The following NWD1 variants were observed in gnomAD, a reference collection of about 807,000 sequenced individuals.
NWD1 encodes the protein NACHT domain- and WD repeat-containing protein 1.
NWD1 carries 129 observed loss-of-function variants against 135.1 expected under a neutral mutation model. The ratio of observed to expected loss-of-function variants is 0.96; its 90% CI spans 0.83 to 1.11. The LOEUF (loss-of-function observed/expected upper bound fraction) is 1.11, where lower values mean the gene tolerates loss of function less well. Ranked by LOEUF, NWD1 falls within the 50% of genes least tolerant of loss-of-function variation. NWD1 has a pLI of 0.00. For missense variants in NWD1, 1,740 were observed against 1,851.3 expected, an observed-to-expected ratio of 0.94 and a Z score of 1.10; for synonymous variants, 773 against 786.0, an observed-to-expected ratio of 0.98 and a Z score of 0.28.
At chr19:16,748,981 T>C (rs954842167) in intron 5 of NWD1, among the ~76,000 whole-genome samples, 158 bp from the exon 6 acceptor site, 1 of 152,138 alleles carries the variant, frequency 6.6e-6, no homozygotes, top group African/African-American at 2.4e-5. Context: ...GGTCCAGCCA[T>C]GTGGGTCTTT....
In NWD1 at chr19:16,736,798, GC is replaced by G. The variant is rs1568338393; in HGVS notation, c.198+53del. ...GTTAGCTCTTACTCCTCCAGGATAT[GC>G]CCCCTGCTTTCTAGACAAACTGATC... On this transcript the variant is annotated intron_variant, in intron 4 of 18. Coordinates refer to ENST00000524140, the MANE Select transcript of NWD1 (RefSeq NM_001007525.5). The G allele has an allele frequency of 3.6e-6, 4 of 1,100,140 alleles. No individual in the cohort carries two copies. In the East Asian group the frequency reaches 7.7e-5, roughly 21 times the overall value. 68.1% of individuals were successfully genotyped at this position (1,100,140 alleles called of 1,614,324 possible).
intron 5 of NWD1, among the ~76,000 whole-genome samples, chr19:16,745,788 A>G (rs1968288077): frequency 6.6e-6 from 1 of 152,002 alleles, no homozygotes; most frequent in Non-Finnish European, 1.5e-5. Context: ...ATAGTGGTGC[A>G]TGCCTGTAGC....
At chr19:16,725,436 C>T (rs2122667320) in intron 2 of NWD1, among the ~76,000 whole-genome samples, 1 of 151,950 alleles carries the variant, frequency 6.6e-6, no homozygotes, top group East Asian at 1.9e-4. Context: ...TATGATCACA[C>T]CACTGCACTC....
chr19:16,769,306 G>A (rs1969333313), intron 10 of NWD1, among the ~76,000 whole-genome samples: 1 of 151,806 alleles, frequency 6.6e-6, no homozygotes, highest in Non-Finnish European at 1.5e-5. Flanking sequence ...TACTAAAAAT[G>A]CAAAAATTAG....
At chr19:16,731,375 C>T (rs985438637) in intron 3 of NWD1, 97 bp downstream of exon 3, 12 of 685,582 alleles carry the variant, frequency 1.8e-5, no homozygotes, top group Middle Eastern at 7.0e-4. Context: ...GGTGCGATCT[C>T]GGCTCACTGC....
intron 9 of NWD1, among the ~76,000 whole-genome samples, chr19:16,764,324 C>T (rs73521262): frequency 0.046 from 6,997 of 152,046 alleles, 528 homozygotes; most frequent in African/African-American, 0.16. Context: ...GTCTGTTCAT[C>T]CACCTATCCA....
At chr19:16,800,869 T>C (rs932232660) in intron 17 of NWD1, among the ~76,000 whole-genome samples, 8 of 152,272 alleles carry the variant, frequency 5.3e-5, no homozygotes, top group Non-Finnish European at 1.0e-4. Context: ...CCATGGTGGC[T>C]TAAACCTATA....
Position 16,725,738 on chromosome 19 carries a change from A to C in NWD1, c.-7+1275A>C, listed in dbSNP as rs140300265. 1.4e-4 allele frequency among the ~76,000 whole-genome samples: 21 copies of C among 150,892 alleles called. No homozygotes were observed. The East Asian group carries it at 4.2e-3, about 30-fold the overall frequency. On this transcript the variant is annotated intron_variant, in intron 2 of 18. Transcript: ENST00000524140. ...TGGCTTATTTCTGTATTTTTAGTAG[A>C]GATGGGGTTTCACCATGTTGGCCAG...
chr19:16,793,679 C>T (rs777931641), intron 14 of NWD1, among the ~76,000 whole-genome samples: 8 of 151,322 alleles, frequency 5.3e-5, no homozygotes, highest in Non-Finnish European at 8.8e-5. Flanking sequence ...CAGCTTCAAG[C>T]GATTCTCCTG....
rs1299105216 is a variant in NWD1 at position 16,811,868 on chromosome 19, T to C, written c.4288-3160T>C. On this transcript the variant is annotated intron_variant, in intron 18 of 18. Coordinates refer to ENST00000524140, the MANE Select transcript of NWD1 (RefSeq NM_001007525.5). ...CCTTCTCTACTAAAAACACAAAAAT[T>C]AGTTGGGCATGGTGGCAGGAGCTTG... is the stretch of plus-strand genomic sequence containing the variant. 7.3e-5 allele frequency among the ~76,000 whole-genome samples: 11 copies of C among 151,574 alleles called. 1 individual carries two copies. The highest frequency in any genetic ancestry group is 7.3e-4 in the Admixed American group (11 of 15,158).
rs1335286041 is a variant in NWD1, at chr19:16,794,499, C to T, written c.3250C>T (p.Pro1084Ser). 1.9e-6 allele frequency: 3 copies of T among 1,611,982 alleles called. No individual in the cohort carries two copies. In the African/African-American group the frequency reaches 4.0e-5, roughly 22 times the overall value. The stretch of plus-strand genomic sequence containing the variant: ...AGGGGACAGATTGCTGGAGAAGCTT[C>T]CAGATGCTGTGAGGTTCCTGGTGGT... Reference protein sequence around the residue: ...SKGDRLLEKLPDAVRFLVVSE... With the variant: ...SKGDRLLEKLSDAVRFLVVSE... Residue 1084 changes from proline to serine, a missense_variant, in exon 15 of 19, where the codon CCA becomes TCA. Transcript: ENST00000524140.
At position 16,797,744 on chromosome 19, in the gene NWD1, C is replaced by T. The variant is rs745549948; in HGVS notation, c.3317C>T (p.Ser1106Leu). Reference sequence around the variant, plus strand: ...CCTGCCGTTTCAGGCTTTGGAAGATCGGTGCGGATATTCTTGGCGGACTCG... The same window carrying T: ...CCTGCCGTTTCAGGCTTTGGAAGATTGGTGCGGATATTCTTGGCGGACTCG... ...ESLLAAGFGR[S>L]VRIFLADSRG... The change falls in exon 16 of 19, where the codon TCG becomes TTG. Residue 1106 changes from serine (S) to leucine (L), a missense_variant. Transcript: ENST00000524140. 4.3e-6 allele frequency: 7 copies of T among 1,613,606 alleles called. No homozygotes were observed. The East Asian group carries it at 6.7e-5, about 15-fold the overall frequency.
intron 4 of NWD1, among the ~76,000 whole-genome samples, chr19:16,742,680 T>C (rs531291501): frequency 3.3e-5 from 5 of 151,952 alleles, no homozygotes; most frequent in African/African-American, 1.2e-4. Flanking sequence ...AAATTGTATA[T>C]ATATTTTGAG....
intron 3 of NWD1, among the ~76,000 whole-genome samples, chr19:16,735,866 G>GA (rs1555717048): frequency 0.028 from 788 of 28,374 alleles, 2 homozygotes; most frequent in African/African-American, 0.062. Flanking sequence ...AGGAAGGAAG[G>GA]AGGAAGGAAG....
At chr19:16,811,122 C>A (rs1026847237) in intron 18 of NWD1, among the ~76,000 whole-genome samples, 1 of 152,302 alleles carries the variant, frequency 6.6e-6, no homozygotes, top group East Asian at 1.9e-4. Context: ...TCACATCCAG[C>A]CTTTATTGGA....
chr19:16,748,747 C>T (rs1968424481), intron 5 of NWD1, among the ~76,000 whole-genome samples: 1 of 152,070 alleles, frequency 6.6e-6, no homozygotes, highest in African/African-American at 2.4e-5. Context: ...TCGCTTGAGC[C>T]TAGGAGGCGG....
At chr19:16,813,699 ACT>A (rs1176657080) in intron 18 of NWD1, among the ~76,000 whole-genome samples, 1 of 149,278 alleles carries the variant, frequency 6.7e-6, no homozygotes, top group African/African-American at 2.5e-5. Flanking sequence ...CTGGTCTTGA[ACT>A]CCTGACCTTG....
rs930596748 is a variant in NWD1 at position 16,724,391 on chromosome 19, G to A, written c.-79G>A. On this transcript the variant is annotated 5_prime_UTR_variant, in exon 2 of 19. Coordinates refer to ENST00000524140, the MANE Select transcript of NWD1 (RefSeq NM_001007525.5). ...ACCATGCGGCCGATGCCCTGGGAGG[G>A]AGACCACTTGCTTAAGTCCTCCAGG... 4 of 152,192 alleles carry A rather than the reference G, an allele frequency of 2.6e-5. No individual in the cohort carries two copies. Among genetic ancestry groups the A allele is most frequent in the Non-Finnish European group, 4.4e-5 (3 of 68,060 alleles). The allele number at this position is 152,192 out of a possible 1,614,324, so 9.4% of individuals were successfully genotyped here.
chr19:16,753,413 G>A (rs1314503872), intron 6 of NWD1, among the ~76,000 whole-genome samples: 1 of 152,190 alleles, frequency 6.6e-6, no homozygotes, highest in Admixed American at 6.5e-5. Flanking sequence ...ATGATAAGGT[G>A]GATGATTTTG....
Sources: allele counts gnomAD v4.1 joint callset (sites outside exome capture counted in the v4.1 genomes callset), GRCh38; gene constraint gnomAD v4.1.1; transcripts MANE v1.5; gene names NCBI Gene and HGNC (gene_info 2026-07-23, HGNC 2026-07-21).